The following TENM2 variants were observed in gnomAD, a reference collection of about 807,000 sequenced individuals.
TENM2 encodes the protein teneurin transmembrane protein 2, also known as teneurin-2.
In TENM2, 52 loss-of-function variants were observed where a neutral mutation model predicts 245.2. The observed-to-expected ratio is 0.21, with a 90% CI of 0.17 to 0.27. TENM2 has a LOEUF of 0.27. Ranked by LOEUF, TENM2 falls within the 10% of genes least tolerant of loss-of-function variation. The probability of loss-of-function intolerance (pLI) is 1.00; values close to 1 mark genes in which losing one functional copy is unlikely to be tolerated. For synonymous variants in TENM2, 1,363 were observed against 1,438.9 expected, an observed-to-expected ratio of 0.95 and a Z score of 1.19; for missense variants, 3,046 against 3,666.8, an observed-to-expected ratio of 0.83 and a Z score of 4.37.
rs151046976 is a variant in TENM2, at chr5:168,233,796, G to A, written c.5520+5666G>A. Among the ~76,000 whole-genome samples, 919 of 152,268 alleles carry A rather than the reference G, an allele frequency of 6.0e-3. 11 individuals carry two copies. The highest frequency in any genetic ancestry group is 0.021 in the African/African-American group (869 of 41,556). On this transcript the variant is annotated intron_variant, in intron 25 of 28. Transcript: ENST00000518659. The stretch of plus-strand genomic sequence containing the variant: ...GCTGGGGAGGCCTCAGAATCATGGC[G>A]GGAGGCAAAAGGCACTTCTTACTTG...
At chr5:167,049,219 T>G in the TENM2 span, among the ~76,000 whole-genome samples, 2 of 152,252 alleles carry the variant, frequency 1.3e-5, no homozygotes, top group African/African-American at 4.8e-5. Flanking sequence ...ATGTGCTTTC[T>G]GTGCTACACA....
intron 2 of TENM2, among the ~76,000 whole-genome samples, chr5:167,652,457 A>G (rs1254288521): frequency 6.6e-6 from 1 of 152,118 alleles, no homozygotes; most frequent in East Asian, 1.9e-4. Flanking sequence ...GGAGAAATCT[A>G]TAGCTCCAAA....
intron 2 of TENM2, among the ~76,000 whole-genome samples, chr5:167,500,608 A>G (rs914200293): frequency 3.3e-5 from 5 of 152,106 alleles, no homozygotes; most frequent in Non-Finnish European, 1.5e-5. Context: ...AAAATGAGCA[A>G]TTACCTTATT....
chr5:168,141,406 G>A (rs960746385), intron 12 of TENM2, among the ~76,000 whole-genome samples: 1 of 152,196 alleles, frequency 6.6e-6, no homozygotes, highest in African/African-American at 2.4e-5. Context: ...TTAAATGCAT[G>A]TGTTGGAGAG....
At chr5:167,902,142 C>G (rs1481834894) in intron 3 of TENM2, among the ~76,000 whole-genome samples, 4 of 151,988 alleles carry the variant, frequency 2.6e-5, no homozygotes, top group Non-Finnish European at 5.9e-5. Context: ...GGAGCAGGTT[C>G]TGGGTGTTTG....
At chr5:167,465,234 T>TTCTAA (rs1416807366) in intron 2 of TENM2, among the ~76,000 whole-genome samples, 4 of 152,238 alleles carry the variant, frequency 2.6e-5, no homozygotes, top group Admixed American at 2.6e-4. Context: ...TATTTAAGCA[T>TTCTAA]TCTAATATGG....
At chr5:167,725,137 A>G (rs1283793994) in intron 2 of TENM2, among the ~76,000 whole-genome samples, 1 of 152,206 alleles carries the variant, frequency 6.6e-6, no homozygotes, top group Admixed American at 6.5e-5. Flanking sequence ...AATTAAATAC[A>G]TGGGAAATGG....
chr5:167,059,708 C>CTT, the TENM2 span, among the ~76,000 whole-genome samples: 87,555 of 142,612 alleles, frequency 0.61, 28,424 homozygotes, highest in African/African-American at 0.86. Flanking sequence ...AAGTAAATGT[C>CTT]TTTTTTTTTT....
At chr5:167,061,938 T>C in the TENM2 span, among the ~76,000 whole-genome samples, 162 of 151,714 alleles carry the variant, frequency 1.1e-3, no homozygotes, top group African/African-American at 3.8e-3. Context: ...AGGTGAAGTA[T>C]GACTTGTCAT....
At chr5:167,663,851 C>G (rs1035920552) in intron 2 of TENM2, among the ~76,000 whole-genome samples, 2 of 152,142 alleles carry the variant, frequency 1.3e-5, no homozygotes, top group African/African-American at 4.8e-5. Flanking sequence ...TAGAACATAT[C>G]ACTTCTAGAA....
chr5:167,042,286 A>G, the TENM2 span, among the ~76,000 whole-genome samples: 1 of 152,184 alleles, frequency 6.6e-6, no homozygotes, highest in Non-Finnish European at 1.5e-5. Flanking sequence ...ACGTTATTTA[A>G]GCAAGTTTTC....
intron 2 of TENM2, among the ~76,000 whole-genome samples, chr5:167,718,525 A>G (rs938523934): frequency 1.3e-5 from 2 of 152,232 alleles, no homozygotes; most frequent in Non-Finnish European, 1.5e-5. Context: ...CATTGGTAGT[A>G]TTGAAAAGCA....
intron 3 of TENM2, among the ~76,000 whole-genome samples, chr5:167,914,757 G>A (rs1776802110): frequency 6.6e-6 from 1 of 152,048 alleles, no homozygotes; most frequent in Non-Finnish European, 1.5e-5. Flanking sequence ...TTCTGGTGTT[G>A]CCAGAGATTT....
chr5:167,726,570 T>G (rs1473489931), intron 2 of TENM2, among the ~76,000 whole-genome samples: 1 of 152,162 alleles, frequency 6.6e-6, no homozygotes, highest in Non-Finnish European at 1.5e-5. Context: ...GCGATCTTCC[T>G]GCCTCAGCCT....
At chr5:167,131,275 G>C in the TENM2 span, among the ~76,000 whole-genome samples, 1 of 152,152 alleles carries the variant, frequency 6.6e-6, no homozygotes, top group South Asian at 2.1e-4. Flanking sequence ...TAGGGATGCA[G>C]AAACTCAAAT....
At chr5:167,763,109 G>A (rs1484745597) in intron 2 of TENM2, among the ~76,000 whole-genome samples, 2 of 152,210 alleles carry the variant, frequency 1.3e-5, no homozygotes, top group Non-Finnish European at 2.9e-5. Context: ...GGCACTCAAA[G>A]TCACAAGAGT....
intron 9 of TENM2, among the ~76,000 whole-genome samples, chr5:168,111,652 C>G (rs1794678348): frequency 6.6e-6 from 1 of 152,086 alleles, no homozygotes; most frequent in African/African-American, 2.4e-5. Flanking sequence ...GCACGGTGAG[C>G]CAGGGAGCTG....
At chr5:167,903,909 G>T (rs1455842371) in intron 3 of TENM2, among the ~76,000 whole-genome samples, 1 of 152,126 alleles carries the variant, frequency 6.6e-6, no homozygotes, top group Non-Finnish European at 1.5e-5. Context: ...AATGGGATGT[G>T]GTGTGCTCAA....
chr5:167,218,297 C>G, the TENM2 span, among the ~76,000 whole-genome samples: 3 of 151,926 alleles, frequency 2.0e-5, no homozygotes, highest in African/African-American at 7.3e-5. Flanking sequence ...TCAAATTGTG[C>G]CAAGTGTCAC....
Sources: allele counts gnomAD v4.1 joint callset (sites outside exome capture counted in the v4.1 genomes callset), GRCh38; gene constraint gnomAD v4.1.1; transcripts MANE v1.5; gene names NCBI Gene and HGNC (gene_info 2026-07-23, HGNC 2026-07-21).